The following C2CD3 variants were observed in gnomAD, a reference collection of about 807,000 sequenced individuals.
The protein encoded by C2CD3 is C2 domain-containing protein 3.
Under a neutral mutation model 234.0 loss-of-function variants are expected in C2CD3, and 148 were observed. That is an observed-to-expected ratio of 0.63 (90% CI 0.55 to 0.72). The LOEUF (loss-of-function observed/expected upper bound fraction) is 0.72, where lower values mean the gene tolerates loss of function less well. Ranked by LOEUF, C2CD3 falls within the 30% of genes least tolerant of loss-of-function variation. C2CD3 has a pLI of 0.00. For missense variants in C2CD3, 2,577 were observed against 2,811.5 expected (o/e 0.92, Z 1.89); for synonymous variants, 1,000 against 1,035.4 (o/e 0.97, Z 0.66).
At chr11:74,158,720 C>G (rs1190064594) in intron 3 of C2CD3, among the ~76,000 whole-genome samples, 10 of 132,766 alleles carry the variant, frequency 7.5e-5, no homozygotes, top group African/African-American at 9.4e-5. Context: ...AAAACTTCGT[C>G]TCAAAAAAAA....
chr11:74,050,340 T>C (rs145287162), intron 26 of C2CD3, among the ~76,000 whole-genome samples: 1 of 152,354 alleles, frequency 6.6e-6, no homozygotes, highest in African/African-American at 2.4e-5. Context: ...AAAATGAGTC[T>C]GGGCTCAGGC....
At chr11:74,082,029 T>C (rs1468366238) in intron 22 of C2CD3, among the ~76,000 whole-genome samples, 1 of 152,180 alleles carries the variant, frequency 6.6e-6, no homozygotes, top group African/African-American at 2.4e-5. Flanking sequence ...CTATGTTGAA[T>C]AGGAATGGTG....
chr11:74,067,603 T>C (rs1954601664), intron 24 of C2CD3, among the ~76,000 whole-genome samples: 1 of 152,120 alleles, frequency 6.6e-6, no homozygotes, highest in Admixed American at 6.5e-5. Context: ...AATCAGTTAA[T>C]GGAAATCAAT....
intron 22 of C2CD3, among the ~76,000 whole-genome samples, chr11:74,080,180 G>A (rs1955279061): frequency 6.6e-6 from 1 of 152,144 alleles, no homozygotes; most frequent in South Asian, 2.1e-4. Context: ...GCAATTTTCT[G>A]CGAAATGTTT....
chr11:74,147,400 G>C (rs978316549), intron 3 of C2CD3, among the ~76,000 whole-genome samples: 4 of 152,186 alleles, frequency 2.6e-5, no homozygotes, highest in African/African-American at 9.7e-5. Flanking sequence ...TTGGGCAACA[G>C]AGCAAGACCC....
At chr11:74,021,426 G>A (rs1291165315) in intron 32 of C2CD3, among the ~76,000 whole-genome samples, 2 of 152,206 alleles carry the variant, frequency 1.3e-5, no homozygotes. Context: ...ATGCTGGGTA[G>A]GCAGTTGTAG....
Position 74,095,385 on chromosome 11 carries a change from C to T in C2CD3, c.3003G>A (p.Leu1001=), listed in dbSNP as rs751601102. ...VAMAEDRGNG[L]MEHCFEIHIE... is the part of the protein sequence containing the mutation. ...TATGGATCTCAAAGCAGTGCTCCAT[C>T]AGTCCATTTCCTCGGTCCTCTGCCT... is the stretch of plus-strand genomic sequence containing the variant. Residue 1001 remains leucine (L), a synonymous_variant, in exon 17 of 33, where the codon CTG becomes CTA. Coordinates refer to ENST00000334126, the MANE Select transcript of C2CD3 (RefSeq NM_001286577.2). 1.9e-6 allele frequency: 3 copies of T among 1,612,876 alleles called. No individual in the cohort carries two copies. The highest frequency in any genetic ancestry group is 1.7e-4 in the Middle Eastern group (1 of 6,050).
chr11:74,154,206 AAGG>A (rs1241045046), intron 3 of C2CD3, among the ~76,000 whole-genome samples: 15 of 152,270 alleles, frequency 9.9e-5, no homozygotes, highest in African/African-American at 3.6e-4. Context: ...TAAACCATAA[AAGG>A]TAAGATTGAT....
At chr11:74,118,137 G>T in intron 9 of C2CD3, 91 bp downstream of exon 9, 2 of 903,116 alleles carry the variant, frequency 2.2e-6, no homozygotes, top group Non-Finnish European at 3.5e-6. Flanking sequence ...CTCTGATGGT[G>T]CTGGGCAAAT....
At position 74,164,546 on chromosome 11, in the gene C2CD3, G is replaced by A. The variant is rs543459594; in HGVS notation, c.326-2990C>T. On this transcript the variant is annotated intron_variant, in intron 2 of 32. Transcript: ENST00000334126. Reference sequence around the variant, plus strand: ...TTTTAACTCTTTGAACCTCAAATTCGTCACTCAGAAAATCAGGATAATACC... The same window carrying A: ...TTTTAACTCTTTGAACCTCAAATTCATCACTCAGAAAATCAGGATAATACC... Among the ~76,000 whole-genome samples the A allele has an allele frequency of 2.2e-4, 34 of 152,066 alleles. 1 individual carries two copies. Among genetic ancestry groups the A allele is most frequent in the Non-Finnish European group, 4.3e-4 (29 of 68,020 alleles).
intron 24 of C2CD3, among the ~76,000 whole-genome samples, chr11:74,059,353 G>A (rs1166193877): frequency 6.9e-6 from 1 of 143,972 alleles, no homozygotes; most frequent in Non-Finnish European, 1.5e-5. Flanking sequence ...GGAGCTTGCA[G>A]TGAGCCGAGA....
intron 26 of C2CD3, among the ~76,000 whole-genome samples, chr11:74,051,401 T>C (rs1337492477): frequency 6.6e-6 from 1 of 152,162 alleles, no homozygotes; most frequent in Non-Finnish European, 1.5e-5. Context: ...TCTTACCCAC[T>C]GGGGATGAAG....
intron 18 of C2CD3, among the ~76,000 whole-genome samples, 168 bp from the exon 19 acceptor site, chr11:74,092,756 G>T (rs997956646): frequency 6.7e-6 from 1 of 148,952 alleles, no homozygotes; most frequent in Non-Finnish European, 1.5e-5. Flanking sequence ...ATGTGGAGGA[G>T]GAACTCCATA....
intron 31 of C2CD3, among the ~76,000 whole-genome samples, chr11:74,031,703 G>A (rs754139940): frequency 1.3e-5 from 2 of 152,142 alleles, no homozygotes; most frequent in East Asian, 3.9e-4. Context: ...GGCCTGGCAC[G>A]ATTTATTTTT....
chr11:74,079,563 G>A (rs1020926195), intron 22 of C2CD3, among the ~76,000 whole-genome samples: 3 of 150,552 alleles, frequency 2.0e-5, no homozygotes, highest in Non-Finnish European at 4.4e-5. Flanking sequence ...GTATGTGTCA[G>A]AAATTCTGCT....
At chr11:74,061,853 TC>T (rs1341796445) in intron 24 of C2CD3, among the ~76,000 whole-genome samples, 5 of 152,178 alleles carry the variant, frequency 3.3e-5, no homozygotes, top group African/African-American at 1.2e-4. Context: ...TCAAGACCCT[TC>T]AGTGTGCTGT....
chr11:74,106,247 A>G lies in C2CD3; in HGVS notation c.2085+124T>C, dbSNP rs1260961208. The G allele has an allele frequency of 1.9e-5, 17 of 879,684 alleles. No individual in the cohort carries two copies. In the Middle Eastern group the frequency reaches 1.6e-3, roughly 83 times the overall value. The allele number at this position is 879,684 out of a possible 1,614,324, so 54.5% of individuals were successfully genotyped here. ...TCCTTCATAGTACTTCCACTGCTCT[A>G]TTTCAAGAGATGCTACACAAGATCA... On this transcript the variant is annotated intron_variant, in intron 13 of 32. Transcript: ENST00000334126.
chr11:74,058,321 A>G (rs527434080), intron 24 of C2CD3, among the ~76,000 whole-genome samples: 31 of 152,310 alleles, frequency 2.0e-4, no homozygotes, highest in Admixed American at 5.2e-4. Context: ...CTTACATATC[A>G]CTTACTGTGA....
At chr11:74,158,065 T>C (rs926093742) in intron 3 of C2CD3, among the ~76,000 whole-genome samples, 1 of 152,244 alleles carries the variant, frequency 6.6e-6, no homozygotes, top group African/African-American at 2.4e-5. Context: ...ATGTAAGATC[T>C]AGGACTATAA....
Sources: gnomAD v4.1 joint callset for allele counts (sites outside exome capture counted in the v4.1 genomes callset) on GRCh38, gnomAD v4.1.1 for gene constraint, MANE v1.5 for transcripts, NCBI Gene and HGNC (gene_info 2026-07-23, HGNC 2026-07-21) for gene names.